The following IL1RL1 variants were observed in gnomAD, a reference collection of about 807,000 sequenced individuals.
The protein encoded by IL1RL1 is interleukin 1 receptor like 1.
Under a neutral mutation model 50.9 loss-of-function variants are expected in IL1RL1, and 32 were observed. That is an observed-to-expected ratio of 0.63 (90% confidence interval 0.47 to 0.84). The LOEUF is 0.84. Ranked by LOEUF, IL1RL1 falls within the 40% of genes least tolerant of loss-of-function variation. IL1RL1 has a pLI of 0.00. For missense variants in IL1RL1, 773 were observed against 662.9 expected (o/e 1.17, Z -1.82); for synonymous variants, 275 against 236.0 (o/e 1.17, Z -1.51).
rs879599400 is a variant in IL1RL1 at position 102,342,956 on chromosome 2, GT to G, written c.683-70del. On this transcript the variant is annotated intron_variant, in intron 6 of 10. Coordinates refer to ENST00000233954, the MANE Select transcript of IL1RL1 (RefSeq NM_016232.5). ...GGGTGCATACTAAGTGTTCAGTAAG[GT>G]TTTTTTTTTACATTAAATGGGATAA... 5,387 of 1,210,856 alleles carry G rather than the reference GT, an allele frequency of 4.4e-3. 3 individuals carry two copies. The highest frequency in any genetic ancestry group is 5.1e-3 in the Non-Finnish European group (4,466 of 876,176). The allele number at this position is 1,210,856 out of a possible 1,614,324, so 75.0% of individuals were successfully genotyped here.
chr2:102,342,129 T>A, intron 5 of IL1RL1, 94 bp from the exon 6 acceptor site: 1 of 763,066 alleles, frequency 1.3e-6, no homozygotes. Context: ...TGAAAAACAT[T>A]GCTATGAAAT....
intron 8 of IL1RL1, chr2:102,344,467 T>A (rs1677708038): frequency 1.8e-6 from 1 of 541,858 alleles, no homozygotes; most frequent in African/African-American, 2.1e-5. Context: ...AGGTACCACG[T>A]ATTCCAGGGA....
Position 102,348,016 on chromosome 2 carries a change from A to G in IL1RL1, c.1042A>G (p.Ile348Val). The G allele has an allele frequency of 6.3e-7, 1 of 1,596,032 alleles. No individual in the cohort carries two copies. Among genetic ancestry groups the G allele is most frequent in the Non-Finnish European group, 8.6e-7 (1 of 1,163,576 alleles). ...VFLMLINVLV[I>V]ILKMFWIEAT... Reference sequence around the variant, plus strand: ...TTTAATGCTAATCAATGTCCTGGTTATCATCCTAAAAATGTTCTGGATTGA... The same window carrying G: ...TTTAATGCTAATCAATGTCCTGGTTGTCATCCTAAAAATGTTCTGGATTGA... Residue 348 changes from isoleucine to valine, a missense_variant, in exon 9 of 11, where the codon ATC becomes GTC. Coordinates refer to ENST00000233954, the MANE Select transcript of IL1RL1 (RefSeq NM_016232.5).
At chr2:102,324,531 C>A (rs539459568) in intron 1 of IL1RL1, among the ~76,000 whole-genome samples, 1 of 152,134 alleles carries the variant, frequency 6.6e-6, no homozygotes, top group Non-Finnish European at 1.5e-5. Context: ...GAGCACTGAG[C>A]GTGAGCCAAA....
chr2:102,339,495 A>G (rs1271012008), intron 3 of IL1RL1: 1 of 157,160 alleles, frequency 6.4e-6, no homozygotes, highest in Admixed American at 6.2e-5. Context: ...ACTTTTGTTC[A>G]CAAATTGTTA....
chr2:102,351,292 T>G (rs1290066183), intron 10 of IL1RL1, among the ~76,000 whole-genome samples: 1 of 152,182 alleles, frequency 6.6e-6, no homozygotes, highest in African/African-American at 2.4e-5. Flanking sequence ...GACTCTGTTT[T>G]AGTTAAGACT....
chr2:102,349,923 C>T (rs939616942), intron 10 of IL1RL1, among the ~76,000 whole-genome samples: 2 of 152,144 alleles, frequency 1.3e-5, no homozygotes, highest in African/African-American at 4.8e-5. Flanking sequence ...TGGGGCTCAG[C>T]TATCAAGGGC....
At chr2:102,341,856 A>G (rs1248073974) in intron 5 of IL1RL1, among the ~76,000 whole-genome samples, 4 of 152,116 alleles carry the variant, frequency 2.6e-5, no homozygotes, top group Non-Finnish European at 5.9e-5. Flanking sequence ...TATTATTTTC[A>G]TGGGTCTTTT....
At chr2:102,343,828 T>C (rs1351438598) in intron 8 of IL1RL1, 1 of 1,021,370 alleles carries the variant, frequency 9.8e-7, no homozygotes, top group East Asian at 8.3e-5. Flanking sequence ...TACCTTTTTC[T>C]GGTCATAATG....
At chr2:102,325,467 A>C (rs1676970566) in intron 1 of IL1RL1, among the ~76,000 whole-genome samples, 1 of 152,240 alleles carries the variant, frequency 6.6e-6, no homozygotes, top group Non-Finnish European at 1.5e-5. Flanking sequence ...AGAGGAACAC[A>C]GCTCCTCACC....
rs528922410 is a variant in IL1RL1, at chr2:102,338,229, C to T, written c.-36C>T. On this transcript the variant is annotated 5_prime_UTR_variant, in exon 2 of 11. The change creates a new upstream start codon in the 5' untranslated region. Transcript: ENST00000233954. ...GACTCATCTGGAGTAATCTCAACAA[C>T]GAGTTACCAATACTTGCTCTTGATT... The T allele has an allele frequency of 3.5e-5, 51 of 1,470,596 alleles. No individual in the cohort carries two copies. In the African/African-American group the frequency reaches 3.9e-4, roughly 11 times the overall value. The allele number at this position is 1,470,596 out of a possible 1,614,324, so 91.1% of individuals were successfully genotyped here.
intron 1 of IL1RL1, among the ~76,000 whole-genome samples, chr2:102,330,250 G>A (rs959553432): frequency 7.9e-5 from 12 of 151,458 alleles, no homozygotes; most frequent in African/African-American, 2.2e-4. Flanking sequence ...ACAAAAAACC[G>A]AACACCACAT....
intron 2 of IL1RL1, 33 bp from the exon 3 acceptor site, chr2:102,338,804 T>C: frequency 4.7e-6 from 7 of 1,484,812 alleles, no homozygotes; most frequent in Non-Finnish European, 6.6e-6. Context: ...CATTTGATCA[T>C]TTCAGGATTG....
At chr2:102,338,008 A>T (rs972237376) in intron 1 of IL1RL1, 108 bp from the exon 2 acceptor site, 1 of 281,726 alleles carries the variant, frequency 3.5e-6, no homozygotes, top group Admixed American at 5.1e-5. Context: ...ATCTCTTTGC[A>T]CTTAATAAAT....
chr2:102,345,199 GT>G (rs1219636381), intron 8 of IL1RL1: 2 of 980,136 alleles, frequency 2.0e-6, no homozygotes, highest in Non-Finnish European at 2.4e-6. Context: ...CAGAGATGAA[GT>G]GCTCTTCCCA....
intron 1 of IL1RL1, among the ~76,000 whole-genome samples, chr2:102,336,296 C>G (rs1677324140): frequency 6.6e-6 from 1 of 152,096 alleles, no homozygotes; most frequent in East Asian, 1.9e-4. Flanking sequence ...CCTCAGTGTC[C>G]TTGTCTGTAA....
intron 1 of IL1RL1, among the ~76,000 whole-genome samples, chr2:102,329,090 A>G (rs1677097619): frequency 6.6e-6 from 1 of 152,208 alleles, no homozygotes; most frequent in African/African-American, 2.4e-5. Flanking sequence ...TTCAAACTAT[A>G]CTACAAGGCT....
chr2:102,316,107 T>C (rs893387716), intron 1 of IL1RL1, among the ~76,000 whole-genome samples: 1 of 152,214 alleles, frequency 6.6e-6, no homozygotes, highest in Non-Finnish European at 1.5e-5. Flanking sequence ...TCCACCCTTA[T>C]GACGAAAGCA....
intron 4 of IL1RL1, 69 bp downstream of exon 4, chr2:102,340,341 A>T: frequency 7.6e-7 from 1 of 1,320,188 alleles, no homozygotes. Context: ...GGCCGGGCAC[A>T]GTGGCTCATG....
Sources: gnomAD v4.1 joint callset for allele counts (sites outside exome capture counted in the v4.1 genomes callset) on GRCh38, gnomAD v4.1.1 for gene constraint, MANE v1.5 for transcripts, NCBI Gene and HGNC (gene_info 2026-07-23, HGNC 2026-07-21) for gene names.